Variants in TARBP1 observed in about 807,000 individuals in gnomAD.
TARBP1 encodes tRNA guanosine 2 -O-methyltransferase TARBP1.
A neutral mutation model predicts 178.6 loss-of-function variants in TARBP1; 144 were observed. The observed-to-expected ratio is 0.81, with a 90% CI of 0.70 to 0.93. TARBP1 has a LOEUF of 0.93. TARBP1 is among the 40% of genes least tolerant of loss of function. The pLI is 0.00. For synonymous variants in TARBP1, 787 were observed against 781.0 expected, an observed-to-expected ratio of 1.01 and a Z score of -0.13; for missense variants, 2,067 against 2,011.7, an observed-to-expected ratio of 1.03 and a Z score of -0.53.
At position 234,391,347 on chromosome 1, in the gene TARBP1, A is replaced by G. The variant is rs556157196; in HGVS notation, c.*230T>C. On this transcript the variant is annotated 3_prime_UTR_variant, in exon 30 of 30. Coordinates refer to ENST00000040877, the MANE Select transcript of TARBP1 (RefSeq NM_005646.4). ...AAAAAATCCATTGTTTTATTTCCAC[A>G]ATTGCTTAAAATATTTTATTAAAGG... 4.6e-5 allele frequency: 18 copies of G among 395,250 alleles called. No homozygotes were observed. Among genetic ancestry groups the G allele is most frequent in the African/African-American group, 3.1e-4 (15 of 48,640 alleles). The allele number at this position is 395,250 out of a possible 1,614,324, so 24.5% of individuals were successfully genotyped here.
rs755484848 is a variant in TARBP1 at position 234,405,964 on chromosome 1, C to A, written c.3928G>T (p.Asp1310Tyr). 3.1e-6 allele frequency: 5 copies of A among 1,614,072 alleles called. No homozygotes were observed. In the African/African-American group the frequency reaches 5.3e-5, roughly 17 times the overall value. The change falls in exon 24 of 30, where the codon GAT becomes TAT. Residue 1310 changes from aspartate (D) to tyrosine (Y), a missense_variant. Physicochemically the swap from Asp to Tyr is radical, Grantham distance 160. Coordinates refer to ENST00000040877, the MANE Select transcript of TARBP1 (RefSeq NM_005646.4). Reference sequence around the variant, plus strand: ...GATTCAATCACAGGAGTCAGGGCATCAAATTCTTCAACACTTAACACTTTA... The same window carrying A: ...GATTCAATCACAGGAGTCAGGGCATAAAATTCTTCAACACTTAACACTTTA... ...VCKVLSVEEF[D>Y]ALTPVIESSL...
At position 234,410,599 on chromosome 1, in the gene TARBP1, C is replaced by T. The variant is rs192396949; in HGVS notation, c.3706-68G>A. 260 of 1,017,646 alleles carry T rather than the reference C, an allele frequency of 2.6e-4. 3 individuals carry two copies. The highest frequency in any genetic ancestry group is 2.2e-3 in the South Asian group (160 of 72,510). The allele number at this position is 1,017,646 out of a possible 1,614,324, so 63.0% of individuals were successfully genotyped here. A position where few individuals can be genotyped will look rare whatever the true frequency, so the allele number is the denominator to read the frequency against. On this transcript the variant is annotated intron_variant, in intron 22 of 29. Transcript: ENST00000040877. ...CTGTGAAACATGCACGTGAAAGCGCCGTGCTGGACTCTATGAGGGCCCAGG... is the reference window on the plus strand; with the variant it reads ...CTGTGAAACATGCACGTGAAAGCGCTGTGCTGGACTCTATGAGGGCCCAGG...
At chr1:234,459,986 T>A (rs546886404) in intron 7 of TARBP1, among the ~76,000 whole-genome samples, 43 of 152,196 alleles carry the variant, frequency 2.8e-4, no homozygotes, top group South Asian at 2.1e-4. Flanking sequence ...AATGTAATTT[T>A]AAAAAAAACT....
intron 4 of TARBP1, among the ~76,000 whole-genome samples, chr1:234,466,935 TTACTC>T (rs549754555): frequency 2.0e-5 from 3 of 152,272 alleles, no homozygotes; most frequent in African/African-American, 4.8e-5. Context: ...GAGAGGTAGA[TTACTC>T]TACCTAAGGA....
At chr1:234,395,182 CCACTT>C (rs1659799028) in intron 26 of TARBP1, among the ~76,000 whole-genome samples, 1 of 152,158 alleles carries the variant, frequency 6.6e-6, no homozygotes, top group Admixed American at 6.5e-5. Flanking sequence ...TGAGATCGTG[CCACTT>C]CACTCCAGCC....
intron 10 of TARBP1, 132 bp from the exon 11 acceptor site, chr1:234,448,711 C>T (rs1666433170): frequency 5.8e-6 from 4 of 684,800 alleles, no homozygotes; most frequent in South Asian, 3.6e-5. Flanking sequence ...AGATGAACTA[C>T]AGCAGAACAC....
intron 26 of TARBP1, among the ~76,000 whole-genome samples, chr1:234,394,346 GACA>G (rs1558136035): frequency 1.3e-5 from 2 of 152,198 alleles, no homozygotes; most frequent in Non-Finnish European, 2.9e-5. Flanking sequence ...GTTATCTCTT[GACA>G]AAAGTGATGA....
rs1659374168 is a variant in TARBP1 at position 234,391,620 on chromosome 1, T to C, written c.4823A>G (p.Tyr1608Cys). The change falls in exon 30 of 30, where the codon TAC (tyrosine) becomes TGC (cysteine). Residue 1608 changes from tyrosine to cysteine, a missense_variant. Coordinates refer to ENST00000040877, the MANE Select transcript of TARBP1 (RefSeq NM_005646.4). Reference protein sequence around the residue: ...HVSGALLIWEYTRQQLLSHGD... With the variant: ...HVSGALLIWECTRQQLLSHGD... ...GTGCGAGAGCAGCTGCTGCCTGGTGTACTCCCAGATCAGCAGGGCTCCACT... is the reference window on the plus strand; with the variant it reads ...GTGCGAGAGCAGCTGCTGCCTGGTGCACTCCCAGATCAGCAGGGCTCCACT... The C allele has an allele frequency of 6.2e-7, 1 of 1,613,570 alleles. No homozygotes were observed. Among genetic ancestry groups the C allele is most frequent in the Non-Finnish European group, 8.5e-7 (1 of 1,179,964 alleles).
chr1:234,473,732 C>A (rs899578570), intron 1 of TARBP1, among the ~76,000 whole-genome samples: 3 of 152,188 alleles, frequency 2.0e-5, no homozygotes, highest in Non-Finnish European at 4.4e-5. Flanking sequence ...GCTTTAAACC[C>A]AATTTTGATT....
Position 234,478,933 on chromosome 1 carries a change from G to A in TARBP1, c.171C>T (p.Leu57=), listed in dbSNP as rs1217985763. The A allele has an allele frequency of 2.1e-6, 3 of 1,440,072 alleles. No homozygotes were observed. Among genetic ancestry groups the A allele is most frequent in the African/African-American group, 3.0e-5 (2 of 66,790 alleles). The allele number at this position is 1,440,072 out of a possible 1,614,324, so 89.2% of individuals were successfully genotyped here. A position where few individuals can be genotyped will look rare whatever the true frequency, so the allele number is the denominator to read the frequency against. ...EARGSGGAGA[L]PEAAREVAAG... ...CAGCCACCTCGCGCGCCGCCTCCGG[G>A]AGCGCGCCTGCGCCCCCGCTGCCGC... Residue 57 remains leucine, a synonymous_variant, in exon 1 of 30, where the codon CTC becomes CTT. Transcript: ENST00000040877.
rs550388374 is a variant in TARBP1, at chr1:234,479,160, G to A, written c.-57C>T. On this transcript the variant is annotated 5_prime_UTR_variant, in exon 1 of 30. Transcript: ENST00000040877. ...CCCAAAGGAAGGCGCCGGCGTGTGC[G>A]ATGCGTGCGCACAGGACCGGCCGGC... The A allele has an allele frequency of 1.7e-5, 25 of 1,437,174 alleles. No individual in the cohort carries two copies. The East Asian group carries it at 5.4e-4, about 31-fold the overall frequency. The allele number at this position is 1,437,174 out of a possible 1,614,324, so 89.0% of individuals were successfully genotyped here. A position where few individuals can be genotyped will look rare whatever the true frequency, so the allele number is the denominator to read the frequency against.
intron 1 of TARBP1, among the ~76,000 whole-genome samples, chr1:234,477,650 A>G (rs1352322909): frequency 6.6e-6 from 1 of 152,252 alleles, no homozygotes; most frequent in Non-Finnish European, 1.5e-5. Flanking sequence ...AATACACTCA[A>G]AAGGTCGACT....
intron 4 of TARBP1, among the ~76,000 whole-genome samples, chr1:234,466,160 T>C (rs115148209): frequency 0.017 from 2,618 of 152,258 alleles, 74 homozygotes; most frequent in African/African-American, 0.058. Flanking sequence ...GCAGAAATAA[T>C]AGAATGTAGA....
At chr1:234,464,020 A>G in intron 5 of TARBP1, 86 bp from the exon 6 acceptor site, 1 of 691,470 alleles carries the variant, frequency 1.4e-6, no homozygotes, top group Non-Finnish European at 2.2e-6. Context: ...ACCATGGCCC[A>G]AAAGTCTTTC....
chr1:234,392,693 T>A, intron 28 of TARBP1, 141 bp from the exon 29 acceptor site: 1 of 602,082 alleles, frequency 1.7e-6, no homozygotes, highest in Non-Finnish European at 2.6e-6. Context: ...AAAAGAACTC[T>A]CCCAACATGA....
intron 19 of TARBP1, among the ~76,000 whole-genome samples, chr1:234,427,092 T>C (rs1663863350): frequency 6.6e-6 from 1 of 152,188 alleles, no homozygotes; most frequent in Non-Finnish European, 1.5e-5. Context: ...GAGTCGGCAC[T>C]AAAAACTTTT....
At position 234,396,525 on chromosome 1, in the gene TARBP1, C is replaced by T. The variant is rs145021859; in HGVS notation, c.4243+1857G>A. On this transcript the variant is annotated intron_variant, in intron 26 of 29. Coordinates refer to ENST00000040877, the MANE Select transcript of TARBP1 (RefSeq NM_005646.4). ...CTACTACCAGACACTGTGTTAGGTA[C>T]GTGCTCCCTGTTGTCTCCTCTGTAA... Among the ~76,000 whole-genome samples, 171 of 152,246 alleles carry T rather than the reference C, an allele frequency of 1.1e-3. 1 individual carries two copies. The highest frequency in any genetic ancestry group is 3.9e-3 in the African/African-American group (161 of 41,544).
chr1:234,467,633 G>C lies in TARBP1; in HGVS notation c.1117C>G (p.Pro373Ala). The change falls in exon 4 of 30, where the codon CCA (proline) becomes GCA (alanine). Residue 373 changes from proline (P) to alanine (A), a missense_variant. By Grantham distance (27) the Pro-to-Ala change is conservative. Coordinates refer to ENST00000040877, the MANE Select transcript of TARBP1 (RefSeq NM_005646.4). Reference protein sequence around the residue: ...SEENGCWLFHPSWHMCIYKRM... With the variant: ...SEENGCWLFHASWHMCIYKRM... ...TTATAAATACACATATGCCAGGATG[G>C]GTGAAAGAGCCAACATCCTGTGGAA... 1 of 1,588,740 alleles carries C rather than the reference G, an allele frequency of 6.3e-7. No individual in the cohort carries two copies. The highest frequency in any genetic ancestry group is 8.5e-7 in the Non-Finnish European group (1 of 1,172,488).
At position 234,418,129 on chromosome 1, in the gene TARBP1, A is replaced by G. The variant is rs765519187; in HGVS notation, c.3660T>C (p.His1220=). 152 of 1,481,484 alleles carry G rather than the reference A, an allele frequency of 1.0e-4. 2 individuals carry two copies. In the East Asian group the frequency reaches 3.8e-3, roughly 37 times the overall value. 91.8% of individuals were successfully genotyped at this position (1,481,484 alleles called of 1,614,324 possible). A position where few individuals can be genotyped will look rare whatever the true frequency, so the allele number is the denominator to read the frequency against. The change falls in exon 22 of 30, where the codon CAT becomes CAC. Residue 1220 remains histidine (H), a synonymous_variant. Coordinates refer to ENST00000040877, the MANE Select transcript of TARBP1 (RefSeq NM_005646.4). ...ACTTTGGAAGAAATTGAGGGAATTT[A>G]TGAAGAATCAATATAATAATCCATT... ...FIEWIIILIL[H]KFPQFLPKFW...
Sources: gnomAD v4.1 joint callset for allele counts (sites outside exome capture counted in the v4.1 genomes callset) on GRCh38, gnomAD v4.1.1 for gene constraint, MANE v1.5 for transcripts, NCBI Gene and HGNC (gene_info 2026-07-23, HGNC 2026-07-21) for gene names.